PLCH1: variants seen among roughly 807,000 people sequenced by gnomAD.
PLCH1 encodes the protein phospholipase C eta 1, also known as 1-phosphatidylinositol 4,5-bisphosphate phosphodiesterase eta-1.
Under a neutral mutation model 126.7 loss-of-function variants are expected in PLCH1, and 60 were observed. That is an observed-to-expected ratio of 0.47 (90% CI 0.38 to 0.59). The LOEUF is 0.59. PLCH1 is among the 20% of genes least tolerant of loss of function. The pLI is 0.00. For missense variants in PLCH1, 1,723 were observed against 2,040.0 expected (o/e 0.84, Z 2.99); for synonymous variants, 719 against 734.9 (o/e 0.98, Z 0.35).
intron 2 of PLCH1, among the ~76,000 whole-genome samples, chr3:155,609,774 A>G (rs1030421991): frequency 6.6e-6 from 1 of 152,074 alleles, no homozygotes; most frequent in Admixed American, 6.5e-5. Flanking sequence ...ACAATAGACT[A>G]GAACAAGTAG....
intron 2 of PLCH1, among the ~76,000 whole-genome samples, chr3:155,640,109 T>C (rs1739236070): frequency 6.6e-6 from 1 of 152,214 alleles, no homozygotes; most frequent in Non-Finnish European, 1.5e-5. Context: ...TATACAAACC[T>C]CTATCTCTGC....
chr3:155,683,155 T>C (rs1744667752), intron 2 of PLCH1, among the ~76,000 whole-genome samples: 1 of 152,188 alleles, frequency 6.6e-6, no homozygotes, highest in African/African-American at 2.4e-5. Flanking sequence ...ATATTTAATT[T>C]TGCTATGTTC....
intron 10 of PLCH1, among the ~76,000 whole-genome samples, chr3:155,546,690 G>A (rs777833840): frequency 0.049 from 7,321 of 150,780 alleles, 213 homozygotes; most frequent in Middle Eastern, 0.09. Flanking sequence ...CCAAAACAGA[G>A]ATATAGATCA....
chr3:155,459,278 T>C (rs1157290136), intron 21 of PLCH1, among the ~76,000 whole-genome samples: 1 of 152,190 alleles, frequency 6.6e-6, no homozygotes, highest in African/African-American at 2.4e-5. Flanking sequence ...GTTTGATCTA[T>C]GGCAGGTGGT....
chr3:155,523,006 GCT>G (rs1387704338), intron 11 of PLCH1, among the ~76,000 whole-genome samples: 1 of 151,652 alleles, frequency 6.6e-6, no homozygotes. Context: ...ACGGAGTCTC[GCT>G]CTGTCGCCCA....
intron 21 of PLCH1, among the ~76,000 whole-genome samples, chr3:155,467,434 C>T (rs1217657426): frequency 1.3e-5 from 2 of 151,782 alleles, no homozygotes; most frequent in Admixed American, 6.6e-5. Context: ...ATTAGCTGGA[C>T]GTGGTGGTGC....
chr3:155,492,681 G>C, intron 18 of PLCH1, 48 bp downstream of exon 18: 1 of 1,476,618 alleles, frequency 6.8e-7, no homozygotes, highest in Non-Finnish European at 9.0e-7. Context: ...AATGCACTAA[G>C]ATAATCACAT....
chr3:155,651,523 C>T (rs1330643948), intron 2 of PLCH1, among the ~76,000 whole-genome samples: 1 of 152,118 alleles, frequency 6.6e-6, no homozygotes, highest in African/African-American at 2.4e-5. Context: ...TTTTATTTCA[C>T]ATACTTCTAT....
At chr3:155,550,117 T>C (rs1024021100) in intron 9 of PLCH1, among the ~76,000 whole-genome samples, 159 bp from the exon 10 acceptor site, 2 of 152,156 alleles carry the variant, frequency 1.3e-5, no homozygotes, top group Non-Finnish European at 2.9e-5. Flanking sequence ...AGATTAGAAA[T>C]GCATTTAAAA....
Position 155,697,353 on chromosome 3 carries a change from G to A in PLCH1, c.79+6793C>T, listed in dbSNP as rs544783054. Among the ~76,000 whole-genome samples, 8 of 152,238 alleles carry A rather than the reference G, an allele frequency of 5.3e-5. No individual in the cohort carries two copies. In the East Asian group the frequency reaches 5.8e-4, roughly 11 times the overall value. ...GAGAGCTGTCAGTGGTTGGGGGGCC[G>A]GGATTCCATCCATCAAAATCACATT... On this transcript the variant is annotated intron_variant, in intron 2 of 22. Transcript: ENST00000460012.
chr3:155,661,240 G>C (rs943387067), intron 2 of PLCH1, among the ~76,000 whole-genome samples: 1 of 152,202 alleles, frequency 6.6e-6, no homozygotes, highest in Non-Finnish European at 1.5e-5. Flanking sequence ...GCTCAGACCA[G>C]AGAGATAGAG....
intron 9 of PLCH1, 118 bp from the exon 10 acceptor site, chr3:155,550,076 G>T (rs1725906258): frequency 1.6e-6 from 1 of 614,484 alleles, no homozygotes; most frequent in East Asian, 2.8e-5. Flanking sequence ...TTGCGATACT[G>T]ATGATGGTTA....
intron 8 of PLCH1, among the ~76,000 whole-genome samples, chr3:155,554,937 A>G (rs1726611016): frequency 6.6e-6 from 1 of 152,160 alleles, no homozygotes; most frequent in African/African-American, 2.4e-5. Context: ...TACCCACACA[A>G]TCTCATTAGC....
chr3:155,555,932 C>G (rs902547189), intron 8 of PLCH1, among the ~76,000 whole-genome samples: 1 of 152,142 alleles, frequency 6.6e-6, no homozygotes, highest in Non-Finnish European at 1.5e-5. Context: ...AATGAGATAA[C>G]TACTTACTGT....
chr3:155,704,965 C>T lies in PLCH1; in HGVS notation c.-40-701G>A, dbSNP rs991882042. Among the ~76,000 whole-genome samples the T allele has an allele frequency of 3.3e-5, 5 of 152,254 alleles. No individual in the cohort carries two copies. The East Asian group carries it at 5.8e-4, about 18-fold the overall frequency. ...CAACTTGAAAAGCAGAGATCTGAGTCGATGAATTAAATTCCTCCAAAAGCT... is the reference window on the plus strand; with the variant it reads ...CAACTTGAAAAGCAGAGATCTGAGTTGATGAATTAAATTCCTCCAAAAGCT... On this transcript the variant is annotated intron_variant, in intron 1 of 22. Transcript: ENST00000460012.
chr3:155,455,635 T>C (rs1712419183), intron 21 of PLCH1, among the ~76,000 whole-genome samples: 1 of 152,104 alleles, frequency 6.6e-6, no homozygotes. Flanking sequence ...TAGGGTAGGG[T>C]CAACTGGAAA....
At chr3:155,700,315 T>C (rs573084401) in intron 2 of PLCH1, among the ~76,000 whole-genome samples, 137 of 152,330 alleles carry the variant, frequency 9.0e-4, no homozygotes, top group Non-Finnish European at 1.4e-3. Context: ...ATTAGTTTTA[T>C]TAAAATGTAG....
chr3:155,683,297 A>G (rs1221029909), intron 2 of PLCH1, among the ~76,000 whole-genome samples: 1 of 152,192 alleles, frequency 6.6e-6, no homozygotes, highest in East Asian at 1.9e-4. Flanking sequence ...TTTATTGGTC[A>G]TGTCACTTTA....
intron 2 of PLCH1, among the ~76,000 whole-genome samples, chr3:155,650,072 T>G (rs1228496194): frequency 1.3e-5 from 2 of 151,868 alleles, no homozygotes; most frequent in African/African-American, 2.4e-5. Context: ...TTCTGCAACT[T>G]CCAGTGGTCT....
Sources: gnomAD v4.1 joint callset for allele counts (sites outside exome capture counted in the v4.1 genomes callset) on GRCh38, gnomAD v4.1.1 for gene constraint, MANE v1.5 for transcripts, NCBI Gene and HGNC (gene_info 2026-07-23, HGNC 2026-07-21) for gene names.